Variants in MYCBP2 observed in about 807,000 individuals in gnomAD.
MYCBP2 encodes MYC binding protein 2.
MYCBP2 carries 120 observed loss-of-function variants against 525.3 expected under a neutral mutation model. That is an observed-to-expected ratio of 0.23 (90% CI 0.20 to 0.27). MYCBP2 has a LOEUF of 0.27. MYCBP2 is among the 10% of genes least tolerant of loss of function. MYCBP2 has a pLI of 1.00. For synonymous variants in MYCBP2, 1,894 were observed against 1,955.8 expected, an observed-to-expected ratio of 0.97 and a Z score of 0.83; for missense variants, 4,149 against 5,657.1, an observed-to-expected ratio of 0.73 and a Z score of 8.55.
rs758593447 is a variant in MYCBP2, at chr13:77,051,897, G to A, written c.13669C>T (p.Arg4557Cys). 1 of 1,614,038 alleles carries A rather than the reference G, an allele frequency of 6.2e-7. No individual in the cohort carries two copies. Residue 4557 changes from arginine (R) to cysteine (C), a missense_variant, in exon 81 of 83, where the codon CGC becomes TGC. Physicochemically the swap from Arg to Cys is radical, Grantham distance 180. This residue lies in a region of MYCBP2 where 24 missense variants were observed against 24.9 expected (regional missense o/e 0.96). Coordinates refer to ENST00000544440, the MANE Select transcript of MYCBP2 (RefSeq NM_015057.5). ...CRKAYFGGEA[R>C]CDAEAGRGDD... is the part of the protein sequence containing the mutation. Reference sequence around the variant, plus strand: ...CCCCGTCCAGCCTCAGCATCGCAGCGAGCTTCACCACCAAAATATGCCTGT... The same window carrying A: ...CCCCGTCCAGCCTCAGCATCGCAGCAAGCTTCACCACCAAAATATGCCTGT...
chr13:77,160,673 A>C (rs1423492208), intron 44 of MYCBP2, among the ~76,000 whole-genome samples: 1 of 152,196 alleles, frequency 6.6e-6, no homozygotes, highest in African/African-American at 2.4e-5. Flanking sequence ...GCTGAAACCT[A>C]TGAAGTGCTC....
chr13:77,290,144 G>C (rs2077321342), intron 2 of MYCBP2, among the ~76,000 whole-genome samples: 1 of 152,142 alleles, frequency 6.6e-6, no homozygotes, highest in Non-Finnish European at 1.5e-5. Flanking sequence ...AACATCATTA[G>C]CTACTAGGAA....
At chr13:77,050,563 A>T (rs1461044405) in intron 82 of MYCBP2, among the ~76,000 whole-genome samples, 1 of 151,650 alleles carries the variant, frequency 6.6e-6, no homozygotes, top group Non-Finnish European at 1.5e-5. Context: ...AATTCCCTTG[A>T]CTTTCTGATG....
At chr13:77,180,005 G>A (rs1378239842) in intron 34 of MYCBP2, 122 bp downstream of exon 34, 4 of 675,148 alleles carry the variant, frequency 5.9e-6, no homozygotes, top group East Asian at 2.8e-5. Context: ...GAAAAACAAT[G>A]CATTGGGGTT....
intron 3 of MYCBP2, among the ~76,000 whole-genome samples, chr13:77,285,892 A>G (rs963688227): frequency 2.1e-5 from 3 of 142,732 alleles, no homozygotes; most frequent in African/African-American, 9.1e-5. Context: ...AGGAAAGGAA[A>G]GGAAAGCAAA....
rs770567153 is a variant in MYCBP2, at chr13:77,257,705, T to C, written c.2142A>G (p.Gly714=). The C allele has an allele frequency of 3.7e-6, 6 of 1,608,392 alleles. No individual in the cohort carries two copies. The Admixed American group carries it at 8.5e-5, about 23-fold the overall frequency. The change falls in exon 14 of 83, where the codon GGA becomes GGG. Residue 714 remains glycine (G), a synonymous_variant. Coordinates refer to ENST00000544440, the MANE Select transcript of MYCBP2 (RefSeq NM_015057.5). ...CTTGGTTCATGGCACCAGTATCTCGTCCACACTGTCCTTTATTATTTACAC... is the reference window on the plus strand; with the variant it reads ...CTTGGTTCATGGCACCAGTATCTCGCCCACACTGTCCTTTATTATTTACAC... ...TFGVNNKGQC[G]RDTGAMNQGG...
intron 69 of MYCBP2, 140 bp downstream of exon 69, chr13:77,070,491 T>C: frequency 1.9e-6 from 1 of 526,794 alleles, no homozygotes; most frequent in Non-Finnish European, 3.3e-6. Flanking sequence ...CAATTCTTTT[T>C]CTTCAAATAT....
chr13:77,156,882 A>AT (rs1457485090), intron 45 of MYCBP2, among the ~76,000 whole-genome samples: 3 of 152,200 alleles, frequency 2.0e-5, no homozygotes, highest in Non-Finnish European at 2.9e-5. Flanking sequence ...GACTTAAGTG[A>AT]TTTGACATTC....
chr13:77,192,452 A>G (rs886634566), intron 27 of MYCBP2, among the ~76,000 whole-genome samples: 2 of 152,254 alleles, frequency 1.3e-5, no homozygotes, highest in African/African-American at 4.8e-5. Context: ...AAATAAGGGC[A>G]TCTTCTAAAG....
intron 68 of MYCBP2, among the ~76,000 whole-genome samples, chr13:77,071,295 AC>A (rs2041224757): frequency 6.6e-6 from 1 of 151,988 alleles, no homozygotes; most frequent in South Asian, 2.1e-4. Context: ...ACACACACAC[AC>A]ACACACACAC....
chr13:77,271,280 T>C (rs2074855454), intron 5 of MYCBP2, among the ~76,000 whole-genome samples: 1 of 152,182 alleles, frequency 6.6e-6, no homozygotes, highest in Non-Finnish European at 1.5e-5. Flanking sequence ...TGAGCTCAAA[T>C]GCAATAAATA....
At chr13:77,131,602 A>G (rs2052857751) in intron 52 of MYCBP2, among the ~76,000 whole-genome samples, 1 of 152,136 alleles carries the variant, frequency 6.6e-6, no homozygotes, top group South Asian at 2.1e-4. Flanking sequence ...ACATTCAGGA[A>G]AATGTTAATT....
chr13:77,123,936 A>C (rs1238192242), intron 54 of MYCBP2, among the ~76,000 whole-genome samples: 1 of 152,240 alleles, frequency 6.6e-6, no homozygotes, highest in Non-Finnish European at 1.5e-5. Context: ...TAAGTGAAAA[A>C]GTCATTTAGT....
chr13:77,305,305 T>C (rs950550052), intron 1 of MYCBP2, among the ~76,000 whole-genome samples: 3 of 152,050 alleles, frequency 2.0e-5, no homozygotes, highest in African/African-American at 7.2e-5. Context: ...CACCAACTAA[T>C]GAATGTATAA....
At chr13:77,276,130 G>A (rs952434081) in intron 4 of MYCBP2, among the ~76,000 whole-genome samples, 1 of 152,084 alleles carries the variant, frequency 6.6e-6, no homozygotes, top group African/African-American at 2.4e-5. Context: ...ATAACAAAGG[G>A]GGTGCTATTA....
intron 17 of MYCBP2, among the ~76,000 whole-genome samples, chr13:77,239,121 A>G (rs1037120381): frequency 2.5e-4 from 38 of 151,998 alleles, no homozygotes; most frequent in African/African-American, 8.7e-4. Context: ...CTGTGACTCA[A>G]AAAAAAAGAA....
chr13:77,120,017 G>C (rs2050416289), intron 55 of MYCBP2, among the ~76,000 whole-genome samples: 1 of 152,044 alleles, frequency 6.6e-6, no homozygotes, highest in Non-Finnish European at 1.5e-5. Context: ...TTATTTTAAT[G>C]ATATTTTAAT....
intron 52 of MYCBP2, among the ~76,000 whole-genome samples, chr13:77,138,011 A>C (rs1003543322): frequency 6.6e-5 from 10 of 152,252 alleles, no homozygotes; most frequent in African/African-American, 2.4e-4. Flanking sequence ...ATAGAGGGTC[A>C]AAATCCTTTT....
At chr13:77,139,130 TAAAG>T in intron 52 of MYCBP2, 62 bp downstream of exon 52, 1 of 1,524,660 alleles carries the variant, frequency 6.6e-7, no homozygotes, top group Non-Finnish European at 8.9e-7. Flanking sequence ...AAGCCTTAAT[TAAAG>T]AAAGCTCTGT....
Sources: allele counts gnomAD v4.1 joint callset (sites outside exome capture counted in the v4.1 genomes callset), GRCh38; gene constraint gnomAD v4.1.1; regional missense constraint gnomAD v4.1.1; transcripts MANE v1.5; gene names NCBI Gene and HGNC (gene_info 2026-07-23, HGNC 2026-07-21).